RADIL: variants seen among roughly 807,000 people sequenced by gnomAD.
RADIL encodes the protein ras-associating and dilute domain-containing protein.
Under a neutral mutation model 97.6 loss-of-function variants are expected in RADIL, and 99 were observed. The observed-to-expected ratio is 1.01, with a 90% confidence interval of 0.86 to 1.20. RADIL has a LOEUF of 1.20. Ranked by LOEUF, RADIL falls within the 50% of genes most tolerant of loss-of-function variation. The pLI is 0.00. For synonymous variants in RADIL, 803 were observed against 691.8 expected (o/e 1.16, Z -2.52); for missense variants, 1,765 against 1,498.9 (o/e 1.18, Z -2.93).
At position 4,815,241 on chromosome 7, in the gene RADIL, C is replaced by T; in HGVS notation, c.2139+37G>A. On this transcript the variant is annotated intron_variant, in intron 9 of 14. Coordinates refer to ENST00000399583, the MANE Select transcript of RADIL (RefSeq NM_018059.5). The surrounding 1 kb of genome is among the most constrained non-coding windows in gnomAD (Gnocchi z 8.0). ...GGGACCCACAGCATGTGGCCCCGCC[C>T]CTCCCCACACTCGCCGCCTCCCATG... The T allele has an allele frequency of 6.7e-7, 1 of 1,491,960 alleles. No homozygotes were observed. Among genetic ancestry groups the T allele is most frequent in the African/African-American group, 1.4e-5 (1 of 71,426 alleles). The allele number at this position is 1,491,960 out of a possible 1,614,324, so 92.4% of individuals were successfully genotyped here.
intron 2 of RADIL, among the ~76,000 whole-genome samples, chr7:4,855,227 C>T (rs563097803): frequency 1.5e-4 from 23 of 152,166 alleles, no homozygotes; most frequent in African/African-American, 5.1e-4. Flanking sequence ...TTGACATAAA[C>T]ACTCTCATAC....
At chr7:4,805,404 C>T (rs533054929) in intron 10 of RADIL, 162 bp downstream of exon 10, 42,406 of 770,670 alleles carry the variant, frequency 0.055, 1,426 homozygotes, top group Non-Finnish European at 0.065. Flanking sequence ...GGGGATGGGG[C>T]GGGGCGGGGG....
intron 2 of RADIL, among the ~76,000 whole-genome samples, chr7:4,862,697 T>TG (rs1312953894): frequency 6.6e-6 from 1 of 151,338 alleles, no homozygotes; most frequent in Non-Finnish European, 1.5e-5. Context: ...GGTCAGGAGT[T>TG]GGAGACCAGC....
intron 14 of RADIL, 25 bp from the exon 15 acceptor site, chr7:4,799,508 G>C (rs752746688): frequency 6.2e-7 from 1 of 1,613,630 alleles, no homozygotes; most frequent in East Asian, 2.2e-5. Flanking sequence ...AGAGGTGGGG[G>C]TGGGCAGGAG....
intron 2 of RADIL, among the ~76,000 whole-genome samples, chr7:4,863,249 CT>C (rs1784061873): frequency 6.6e-6 from 1 of 152,212 alleles, no homozygotes; most frequent in Non-Finnish European, 1.5e-5. Flanking sequence ...GCTTCTCTGC[CT>C]TTTAGATGGC....
At chr7:4,866,483 G>A (rs1375047673) in intron 2 of RADIL, among the ~76,000 whole-genome samples, 1 of 152,160 alleles carries the variant, frequency 6.6e-6, no homozygotes, top group Non-Finnish European at 1.5e-5. Context: ...CCAAGTCTCT[G>A]GCAAATCAAT....
chr7:4,801,531 G>T (rs970391425), intron 12 of RADIL, 122 bp downstream of exon 12: 2 of 1,074,542 alleles, frequency 1.9e-6, no homozygotes, highest in South Asian at 1.6e-5. Flanking sequence ...CAGGTTGCAG[G>T]TGTCTGTGGG....
At chr7:4,865,798 G>A (rs990486133) in intron 2 of RADIL, 15 of 851,500 alleles carry the variant, frequency 1.8e-5, no homozygotes, top group Admixed American at 1.6e-4. Context: ...TTTCACAGGA[G>A]CCATGGCAGC....
At chr7:4,860,284 G>A (rs376279221) in intron 2 of RADIL, 35 of 1,613,756 alleles carry the variant, frequency 2.2e-5, no homozygotes, top group Non-Finnish European at 2.8e-5. Flanking sequence ...CTTCTGTTGA[G>A]TGTGCTTTCT....
At position 4,814,080 on chromosome 7, in the gene RADIL, G is replaced by A. The variant is rs1294630820; in HGVS notation, c.2139+1198C>T. ...CAGGCATGAGCCACCGTGCCTGGCC[G>A]AGTCAGCTTTCTTCAATCTGCTAAG... On this transcript the variant is annotated intron_variant, in intron 9 of 14. Transcript: ENST00000399583. The surrounding 1 kb of genome is among the most constrained non-coding windows in gnomAD (Gnocchi z 4.5). Among the ~76,000 whole-genome samples, 1 of 152,118 alleles carries A rather than the reference G, an allele frequency of 6.6e-6. No homozygotes were observed. Among genetic ancestry groups the A allele is most frequent in the African/African-American group, 2.4e-5 (1 of 41,424 alleles).
At chr7:4,820,660 A>G (rs1349018951) in intron 6 of RADIL, among the ~76,000 whole-genome samples, 1 of 152,210 alleles carries the variant, frequency 6.6e-6, no homozygotes, top group Non-Finnish European at 1.5e-5. Flanking sequence ...GCCGGCAGGA[A>G]GGAACTCGGA....
intron 9 of RADIL, among the ~76,000 whole-genome samples, chr7:4,810,752 CA>C (rs1782520535): frequency 6.6e-6 from 1 of 152,204 alleles, no homozygotes; most frequent in South Asian, 2.1e-4. Flanking sequence ...ACAACGTCAC[CA>C]GGAACACCTG....
intron 2 of RADIL, among the ~76,000 whole-genome samples, chr7:4,864,513 A>G (rs1171161415): frequency 6.6e-6 from 1 of 152,192 alleles, no homozygotes; most frequent in Non-Finnish European, 1.5e-5. Flanking sequence ...TGTGGTTGCC[A>G]CCTATATTTG....
chr7:4,834,816 G>T lies in RADIL; in HGVS notation c.1207C>A (p.Gln403Lys). Reference protein sequence around the residue: ...SPTQAALPRRQQLLLEFEPHL... With the variant: ...SPTQAALPRRKQLLLEFEPHL... ...GGCTCAAACTCCAGGAGCAGCTGCT[G>T]GCGCCGGGGCAGGGCGGCCTGAGTA... The change falls in exon 4 of 15, where the codon CAG becomes AAG. Residue 403 changes from glutamine to lysine, a missense_variant. Coordinates refer to ENST00000399583, the MANE Select transcript of RADIL (RefSeq NM_018059.5). This position sits in a 1 kb window ranked among gnomAD's most constrained non-coding sequence, Gnocchi z 6.0. The T allele has an allele frequency of 7.6e-7, 1 of 1,320,468 alleles. No homozygotes were observed. The highest frequency in any genetic ancestry group is 9.7e-7 in the Non-Finnish European group (1 of 1,031,118). 81.8% of individuals were successfully genotyped at this position (1,320,468 alleles called of 1,614,324 possible). A position where few individuals can be genotyped will look rare whatever the true frequency, so the allele number is the denominator to read the frequency against.
In RADIL at chr7:4,883,369, G is replaced by T. The variant is rs1421155003; in HGVS notation, c.-65+227C>A. On this transcript the variant is annotated intron_variant, in intron 1 of 14. Coordinates refer to ENST00000399583, the MANE Select transcript of RADIL (RefSeq NM_018059.5). This position sits in a 1 kb window ranked among gnomAD's most constrained non-coding sequence, Gnocchi z 7.1. ...CGCAGGCTGGGCCGCCCTTGCCCGC[G>T]CTAGCCGGCCTCCGGGTACCGCCCC... 6.6e-6 allele frequency among the ~76,000 whole-genome samples: 1 copy of T among 152,074 alleles called. No homozygotes were observed. The highest frequency in any genetic ancestry group is 1.5e-5 in the Non-Finnish European group (1 of 67,976).
intron 10 of RADIL, 186 bp downstream of exon 10, chr7:4,805,380 C>T (rs887297826): frequency 7.5e-5 from 48 of 640,326 alleles, no homozygotes; most frequent in African/African-American, 5.6e-4. Flanking sequence ...AGGAGGTCCC[C>T]GGATCCCCAG....
intron 2 of RADIL, among the ~76,000 whole-genome samples, chr7:4,841,331 AT>A (rs1390254915): frequency 6.6e-6 from 1 of 152,210 alleles, no homozygotes; most frequent in Non-Finnish European, 1.5e-5. Flanking sequence ...AGAAATCTGT[AT>A]TGGTAAATGC....
In RADIL at chr7:4,799,383, G is replaced by A. The variant is rs912863156; in HGVS notation, c.3223C>T (p.Leu1075Phe). 3 of 1,613,176 alleles carry A rather than the reference G, an allele frequency of 1.9e-6. No individual in the cohort carries two copies. The highest frequency in any genetic ancestry group is 2.7e-5 in the African/African-American group (2 of 74,930). ...AKKIHFRTPPL is the reference protein window; with the variant it reads ...AKKIHFRTPPF Reference sequence around the variant, plus strand: ...GGGGTGTCCTCGCAGCCCCCCTAGAGAGGGGGCGTGCGGAAATGGATCTTC... The same window carrying A: ...GGGGTGTCCTCGCAGCCCCCCTAGAAAGGGGGCGTGCGGAAATGGATCTTC... Residue 1075 changes from leucine (L) to phenylalanine (F), a missense_variant, in exon 15 of 15, where the codon CTC becomes TTC. Physicochemically the swap from Leu to Phe is conservative, Grantham distance 22. Transcript: ENST00000399583.
chr7:4,846,018 G>C (rs1446560906), intron 2 of RADIL, among the ~76,000 whole-genome samples: 2 of 152,170 alleles, frequency 1.3e-5, no homozygotes, highest in Admixed American at 1.3e-4. Context: ...ACCGCGTCCA[G>C]CATGGCGCTG....
Sources: allele counts gnomAD v4.1 joint callset (sites outside exome capture counted in the v4.1 genomes callset), GRCh38; gene constraint gnomAD v4.1.1; non-coding constraint Gnocchi (gnomAD v3.1); transcripts MANE v1.5; gene names NCBI Gene and HGNC (gene_info 2026-07-23, HGNC 2026-07-21).